C12orf54: variants seen among roughly 807,000 people sequenced by gnomAD.
The protein encoded by C12orf54 is chromosome 12 open reading frame 54, also known as uncharacterized protein C12orf54.
Under a neutral mutation model 26.4 loss-of-function variants are expected in C12orf54, and 24 were observed. The ratio of observed to expected loss-of-function variants is 0.91; its 90% CI spans 0.66 to 1.28. The LOEUF (loss-of-function observed/expected upper bound fraction) is 1.28, where lower values mean the gene tolerates loss of function less well. Among genes scored for constraint, C12orf54 ranks in the 50% most tolerant of loss-of-function variants. The probability of loss-of-function intolerance (pLI) is 0.00; values close to 1 mark genes in which losing one functional copy is unlikely to be tolerated. For missense variants in C12orf54, 154 were observed against 150.9 expected (o/e 1.02, Z -0.11); for synonymous variants, 54 against 47.0 (o/e 1.15, Z -0.61).
chr12:48,473,912 T>G, the C12orf54 span, among the ~76,000 whole-genome samples: 1 of 152,194 alleles, frequency 6.6e-6, no homozygotes, highest in Non-Finnish European at 1.5e-5. Context: ...AATAGCAACC[T>G]AAAGGTGTAT....
the C12orf54 span, among the ~76,000 whole-genome samples, chr12:48,464,436 A>G: frequency 2.0e-5 from 3 of 152,138 alleles, 1 homozygote; most frequent in East Asian, 5.8e-4. Context: ...ACACCAACAA[A>G]TGGAAAAACA....
chr12:48,466,489 G>A, the C12orf54 span, among the ~76,000 whole-genome samples: 1 of 151,738 alleles, frequency 6.6e-6, no homozygotes, highest in South Asian at 2.1e-4. Context: ...ATGTTGCAGT[G>A]AGCCAAGATC....
At chr12:48,470,671 T>A in the C12orf54 span, among the ~76,000 whole-genome samples, 1 of 144,824 alleles carries the variant, frequency 6.9e-6, no homozygotes, top group Non-Finnish European at 1.5e-5. Flanking sequence ...TTTAATTAGG[T>A]CCCACTGGTC....
the C12orf54 span, among the ~76,000 whole-genome samples, chr12:48,435,679 A>C: frequency 6.6e-6 from 1 of 152,196 alleles, no homozygotes; most frequent in South Asian, 2.1e-4. Context: ...TAAGTGAAGG[A>C]GAAATAAAAT....
At chr12:48,489,570 A>G (rs1270075855) in intron 5 of C12orf54, among the ~76,000 whole-genome samples, 1 of 151,446 alleles carries the variant, frequency 6.6e-6, no homozygotes, top group East Asian at 1.9e-4. Context: ...GGACTACCAC[A>G]CCCAGCTAAC....
chr12:48,455,559 T>A, the C12orf54 span, among the ~76,000 whole-genome samples: 19 of 152,194 alleles, frequency 1.2e-4, no homozygotes, highest in East Asian at 1.9e-4. Context: ...CACAACCATA[T>A]TCAGCCAAGT....
intron 2 of C12orf54, 21 bp downstream of exon 2, chr12:48,483,382 C>G: frequency 1.2e-6 from 2 of 1,606,664 alleles, no homozygotes; most frequent in Non-Finnish European, 1.7e-6. Flanking sequence ...TAATGATGAC[C>G]CTCAAACATC....
At chr12:48,419,779 G>C in the C12orf54 span, among the ~76,000 whole-genome samples, 1 of 152,136 alleles carries the variant, frequency 6.6e-6, no homozygotes, top group Non-Finnish European at 1.5e-5. Flanking sequence ...GAGCCTCGAG[G>C]TACTCTGACC....
At chr12:48,450,688 A>G in the C12orf54 span, among the ~76,000 whole-genome samples, 169 of 152,336 alleles carry the variant, frequency 1.1e-3, no homozygotes, top group African/African-American at 3.6e-3. Context: ...ATCAGAGAAT[A>G]TTATCAACAC....
the C12orf54 span, among the ~76,000 whole-genome samples, chr12:48,460,478 A>C: frequency 7.2e-6 from 1 of 138,022 alleles, no homozygotes; most frequent in Admixed American, 7.1e-5. Context: ...CACCAGATGG[A>C]AATCTGGATC....
At chr12:48,446,652 G>A in the C12orf54 span, among the ~76,000 whole-genome samples, 1 of 152,260 alleles carries the variant, frequency 6.6e-6, no homozygotes, top group Admixed American at 6.5e-5. Flanking sequence ...AATTCCCATT[G>A]AAGCTAAGTG....
the C12orf54 span, among the ~76,000 whole-genome samples, chr12:48,445,973 T>G: frequency 6.6e-6 from 1 of 152,152 alleles, no homozygotes; most frequent in Non-Finnish European, 1.5e-5. Flanking sequence ...ATGAGAGGAC[T>G]GACAGGGAAA....
Position 48,483,345 on chromosome 12 carries a change from TCCAAG to T in C12orf54, c.51_55del (p.Lys18AlafsTer21), listed in dbSNP as rs772750350. On this transcript the variant is annotated frameshift_variant, in exon 2 of 9. Transcript: ENST00000548364. LOFTEE classifies it high-confidence loss of function. ...TCAGGAACAAAAGGTAGAAATGACC[TCCAAG>T]CAGCAGAGAAGGTAATGGGGCTAAT... is the stretch of plus-strand genomic sequence containing the variant. 6.2e-7 allele frequency: 1 copy of T among 1,613,858 alleles called. No homozygotes were observed. The highest frequency in any genetic ancestry group is 1.1e-5 in the South Asian group (1 of 91,058).
At chr12:48,428,998 A>G in the C12orf54 span, among the ~76,000 whole-genome samples, 1 of 152,240 alleles carries the variant, frequency 6.6e-6, no homozygotes, top group African/African-American at 2.4e-5. Flanking sequence ...CCAGGGATGC[A>G]GAGACGGTTT....
chr12:48,491,457 T>C (rs1427066084), intron 6 of C12orf54, among the ~76,000 whole-genome samples: 2 of 152,196 alleles, frequency 1.3e-5, no homozygotes, highest in African/African-American at 4.8e-5. Flanking sequence ...GGAGGTGACA[T>C]AGGCATTCAG....
the C12orf54 span, among the ~76,000 whole-genome samples, chr12:48,445,548 TCTC>T: frequency 2.6e-5 from 4 of 152,160 alleles, no homozygotes; most frequent in African/African-American, 9.7e-5. Context: ...GAAGTCCTCA[TCTC>T]CTCCCACCCC....
the C12orf54 span, among the ~76,000 whole-genome samples, chr12:48,414,749 G>C: frequency 2.0e-5 from 3 of 152,290 alleles, no homozygotes; most frequent in East Asian, 5.8e-4. Flanking sequence ...CCTGGGATGG[G>C]CATCCACTCC....
chr12:48,457,272 T>C, the C12orf54 span, among the ~76,000 whole-genome samples: 15,156 of 95,764 alleles, frequency 0.16, 1,268 homozygotes, highest in East Asian at 0.55. Flanking sequence ...AAGCAGTTTT[T>C]TGTTGTTGTT....
intron 5 of C12orf54, among the ~76,000 whole-genome samples, chr12:48,489,559 G>A (rs556347734): frequency 3.8e-4 from 58 of 152,056 alleles, no homozygotes; most frequent in Admixed American, 3.4e-3. Flanking sequence ...TCAAGTAGCT[G>A]GGACTACCAC....
Sources: gnomAD v4.1 joint callset for allele counts (sites outside exome capture counted in the v4.1 genomes callset) on GRCh38, gnomAD v4.1.1 for gene constraint, MANE v1.5 for transcripts, NCBI Gene and HGNC (gene_info 2026-07-23, HGNC 2026-07-21) for gene names.